The following HS3ST2 variants were observed in gnomAD, a reference collection of about 807,000 sequenced individuals.
HS3ST2 encodes heparan sulfate-glucosamine 3-sulfotransferase 2.
Under a neutral mutation model 26.3 loss-of-function variants are expected in HS3ST2, and 17 were observed. The ratio of observed to expected loss-of-function variants is 0.65; its 90% confidence interval spans 0.44 to 0.97. The LOEUF is 0.97. Among genes scored for constraint, HS3ST2 ranks in the 50% least tolerant of loss-of-function variants. The pLI, the probability that HS3ST2 is intolerant of heterozygous loss-of-function variation, is 0.00. For synonymous variants in HS3ST2, 237 were observed against 219.2 expected (o/e 1.08, Z -0.72); for missense variants, 402 against 501.2 (o/e 0.80, Z 1.89).
chr16:22,842,932 C>T (rs1901379144), intron 1 of HS3ST2, among the ~76,000 whole-genome samples: 1 of 152,156 alleles, frequency 6.6e-6, no homozygotes, highest in Non-Finnish European at 1.5e-5. Flanking sequence ...GTAATGTGCT[C>T]TTCTTTCATT....
intron 1 of HS3ST2, among the ~76,000 whole-genome samples, chr16:22,884,976 G>A (rs534812066): frequency 6.6e-6 from 1 of 151,554 alleles, no homozygotes; most frequent in South Asian, 2.1e-4. Context: ...GAGTAGCTAG[G>A]GTCACAGACA....
intron 1 of HS3ST2, among the ~76,000 whole-genome samples, chr16:22,831,257 C>T (rs1306476710): frequency 6.6e-6 from 1 of 152,174 alleles, no homozygotes; most frequent in Non-Finnish European, 1.5e-5. Flanking sequence ...GTACATATCC[C>T]ACATCTTGGG....
chr16:22,914,871 G>A, intron 1 of HS3ST2, 73 bp from the exon 2 acceptor site: 1 of 1,490,268 alleles, frequency 6.7e-7, no homozygotes, highest in Non-Finnish European at 9.0e-7. Flanking sequence ...TGGGTGGAAG[G>A]GCTGATGTAG....
At chr16:22,863,849 C>T (rs903037077) in intron 1 of HS3ST2, among the ~76,000 whole-genome samples, 9 of 152,232 alleles carry the variant, frequency 5.9e-5, no homozygotes, top group Non-Finnish European at 1.3e-4. Flanking sequence ...CCTCTCCCTT[C>T]ATCCTTTGTG....
intron 1 of HS3ST2, among the ~76,000 whole-genome samples, chr16:22,883,761 G>A (rs548824430): frequency 1.4e-4 from 21 of 152,282 alleles, no homozygotes; most frequent in African/African-American, 5.1e-4. Context: ...AATTTAACTT[G>A]TATTCCTCAT....
At chr16:22,832,151 C>CTTTTTTTTTTT (rs71151684) in intron 1 of HS3ST2, among the ~76,000 whole-genome samples, 6,682 of 113,742 alleles carry the variant, frequency 0.059, 255 homozygotes, top group South Asian at 0.096. Context: ...CCCAGCTGAT[C>CTTTTTTTTTTT]TTTTTTTTTT....
At chr16:22,852,930 G>A (rs985147520) in intron 1 of HS3ST2, among the ~76,000 whole-genome samples, 10 of 144,046 alleles carry the variant, frequency 6.9e-5, no homozygotes, top group African/African-American at 2.0e-4. Flanking sequence ...GAAAGGAATC[G>A]GGTTCTGACT....
intron 1 of HS3ST2, among the ~76,000 whole-genome samples, chr16:22,833,062 G>C (rs71378486): frequency 0.12 from 18,837 of 152,166 alleles, 1,285 homozygotes; most frequent in South Asian, 0.22. Context: ...CCAGAGGCTT[G>C]TGTGCTACAA....
In HS3ST2 at chr16:22,915,780, C is replaced by T; in HGVS notation, c.*218C>T. 7.1e-6 allele frequency: 4 copies of T among 567,096 alleles called. No individual in the cohort carries two copies. Among genetic ancestry groups the T allele is most frequent in the Non-Finnish European group, 1.2e-5 (4 of 320,988 alleles). The allele number at this position is 567,096 out of a possible 1,614,324, so 35.1% of individuals were successfully genotyped here. ...AGTCTGTTCAAGCAAAGTTGATCTG[C>T]TCCTGGCACGTCCAGTAAATTCCAG... On this transcript the variant is annotated 3_prime_UTR_variant, in exon 2 of 2. Coordinates refer to ENST00000261374, the MANE Select transcript of HS3ST2 (RefSeq NM_006043.2).
chr16:22,835,476 CAAT>C (rs1398376919), intron 1 of HS3ST2, among the ~76,000 whole-genome samples: 6 of 152,104 alleles, frequency 3.9e-5, no homozygotes, highest in Non-Finnish European at 2.9e-5. Context: ...ATCAAAACAA[CAAT>C]AACACGTCTA....
chr16:22,893,254 T>C (rs539964230), intron 1 of HS3ST2, among the ~76,000 whole-genome samples: 24 of 152,334 alleles, frequency 1.6e-4, no homozygotes, highest in African/African-American at 4.8e-4. Context: ...ATAAAGTTAA[T>C]AGTAATAGCT....
chr16:22,842,626 A>G (rs1415515766), intron 1 of HS3ST2, among the ~76,000 whole-genome samples: 1 of 152,018 alleles, frequency 6.6e-6, no homozygotes, highest in Non-Finnish European at 1.5e-5. Flanking sequence ...CATGCCTTTT[A>G]TCAATCCCGG....
chr16:22,914,021 C>A (rs1902458050), intron 1 of HS3ST2, among the ~76,000 whole-genome samples: 1 of 151,936 alleles, frequency 6.6e-6, no homozygotes, highest in Non-Finnish European at 1.5e-5. Flanking sequence ...GCCTGTAGTC[C>A]CGGCTTCTTG....
At chr16:22,913,039 C>T (rs1057108972) in intron 1 of HS3ST2, among the ~76,000 whole-genome samples, 1 of 151,726 alleles carries the variant, frequency 6.6e-6, no homozygotes, top group Admixed American at 6.6e-5. Context: ...AAGTATATCC[C>T]TTCCCTGAAT....
intron 1 of HS3ST2, among the ~76,000 whole-genome samples, chr16:22,911,263 C>T (rs944310666): frequency 6.6e-6 from 1 of 152,070 alleles, no homozygotes; most frequent in Non-Finnish European, 1.5e-5. Context: ...GCAATTAGAA[C>T]AGGAAAATTG....
At chr16:22,846,438 C>T (rs1338832956) in intron 1 of HS3ST2, among the ~76,000 whole-genome samples, 1 of 151,960 alleles carries the variant, frequency 6.6e-6, no homozygotes, top group Admixed American at 6.6e-5. Flanking sequence ...TATTTTGTAC[C>T]TTCATGTAAG....
intron 1 of HS3ST2, among the ~76,000 whole-genome samples, chr16:22,855,112 A>C (rs1901571062): frequency 6.6e-6 from 1 of 152,170 alleles, no homozygotes. Context: ...TCCTGCAGTA[A>C]ATCATTTTCC....
intron 1 of HS3ST2, among the ~76,000 whole-genome samples, chr16:22,882,989 C>G (rs1000507992): frequency 1.3e-5 from 2 of 151,624 alleles, no homozygotes; most frequent in Non-Finnish European, 2.9e-5. Context: ...TGACATTGTG[C>G]CACTGCACTC....
At chr16:22,856,468 C>T (rs1901596419) in intron 1 of HS3ST2, among the ~76,000 whole-genome samples, 1 of 152,174 alleles carries the variant, frequency 6.6e-6, no homozygotes, top group Non-Finnish European at 1.5e-5. Context: ...GTCTGTAAGT[C>T]CTCAGTCTCC....
Sources: gnomAD v4.1 joint callset for allele counts (sites outside exome capture counted in the v4.1 genomes callset) on GRCh38, gnomAD v4.1.1 for gene constraint, MANE v1.5 for transcripts, NCBI Gene and HGNC (gene_info 2026-07-23, HGNC 2026-07-21) for gene names.